Variants in DPP10 observed in about 807,000 individuals in gnomAD.
The protein encoded by DPP10 is dipeptidyl peptidase like 10.
Under a neutral mutation model 120.9 loss-of-function variants are expected in DPP10, and 33 were observed. The ratio of observed to expected loss-of-function variants is 0.27; its 90% CI spans 0.21 to 0.37. The LOEUF (loss-of-function observed/expected upper bound fraction) is 0.37. DPP10 is among the 10% of genes least tolerant of loss of function. The pLI, the probability that DPP10 is intolerant of heterozygous loss-of-function variation, is 1.00. For synonymous variants in DPP10, 337 were observed against 326.1 expected, an observed-to-expected ratio of 1.03 and a Z score of -0.36; for missense variants, 816 against 942.8, an observed-to-expected ratio of 0.87 and a Z score of 1.76.
In DPP10 at chr2:115,290,060, A is replaced by G. The variant is rs145644557; in HGVS notation, c.61-19179A>G. ...AAATAATCAAAAGAGTAAACAGACA[A>G]CCTACAGAATGGGAGAAAACGTTTG... On this transcript the variant is annotated intron_variant, in intron 1 of 25. Coordinates refer to ENST00000410059, the MANE Select transcript of DPP10 (RefSeq NM_020868.6). Among the ~76,000 whole-genome samples, 1,046 of 152,302 alleles carry G rather than the reference A, an allele frequency of 6.9e-3. 10 individuals are homozygous for G. Among genetic ancestry groups the G allele is most frequent in the African/African-American group, 0.024 (1,016 of 41,570 alleles).
intron 3 of DPP10, among the ~76,000 whole-genome samples, chr2:115,361,395 C>CAGTAGAG: frequency 6.6e-6 from 1 of 152,084 alleles, no homozygotes; most frequent in South Asian, 2.1e-4. Context: ...TCAGGTGGGG[C>CAGTAGAG]AGTAGAGGTT....
At chr2:114,979,176 A>T (rs953072990) in intron 1 of DPP10, among the ~76,000 whole-genome samples, 1 of 152,212 alleles carries the variant, frequency 6.6e-6, no homozygotes, top group Admixed American at 6.5e-5. Context: ...TGAATATTTA[A>T]AATGGTAAAT....
intron 1 of DPP10, among the ~76,000 whole-genome samples, chr2:114,639,020 A>G (rs963284507): frequency 5.3e-5 from 8 of 151,920 alleles, no homozygotes; most frequent in Non-Finnish European, 1.0e-4. Context: ...ATCCTAAACA[A>G]TTTAGTGTAG....
chr2:114,509,688 C>T (rs1683974060), intron 1 of DPP10, among the ~76,000 whole-genome samples: 1 of 152,148 alleles, frequency 6.6e-6, no homozygotes, highest in East Asian at 1.9e-4. Context: ...ATGGACTCCA[C>T]TTTCTCTGTG....
Position 114,552,760 on chromosome 2 carries a change from G to T in DPP10, c.60+109922G>T, listed in dbSNP as rs1321120763. On this transcript the variant is annotated intron_variant, in intron 1 of 25. Coordinates refer to ENST00000410059, the MANE Select transcript of DPP10 (RefSeq NM_020868.6). ...GGGGTTTCACCATGTTGGCCAGGAT[G>T]GTCTCGAACTCCTGACCTCAGGTGA... 1.2e-4 allele frequency among the ~76,000 whole-genome samples: 18 copies of T among 152,066 alleles called. 1 individual carries two copies. Among genetic ancestry groups the T allele is most frequent in the Admixed American group, 1.1e-3 (17 of 15,276 alleles).
intron 3 of DPP10, among the ~76,000 whole-genome samples, chr2:115,440,313 G>T (rs1419498129): frequency 6.6e-6 from 1 of 152,158 alleles, no homozygotes; most frequent in South Asian, 2.1e-4. Context: ...TCTTACATTG[G>T]TTTTCAGAAA....
chr2:115,198,101 C>A (rs568915155), intron 1 of DPP10, among the ~76,000 whole-genome samples: 5 of 152,274 alleles, frequency 3.3e-5, no homozygotes, highest in African/African-American at 9.6e-5. Flanking sequence ...ACTTAGTAAT[C>A]ATATTAATCT....
chr2:115,436,957 C>T (rs905004313), intron 3 of DPP10, among the ~76,000 whole-genome samples: 1 of 151,874 alleles, frequency 6.6e-6, no homozygotes, highest in Non-Finnish European at 1.5e-5. Flanking sequence ...ATGTAAGATA[C>T]TGCAATTTCA....
In DPP10 at chr2:114,647,823, C is replaced by T. The variant is rs1696256829; in HGVS notation, c.60+204985C>T. 4.0e-5 allele frequency among the ~76,000 whole-genome samples: 6 copies of T among 151,344 alleles called. No homozygotes were observed. In the South Asian group the frequency reaches 1.3e-3, roughly 32 times the overall value. Reference sequence around the variant, plus strand: ...CTGAGTTGGAAAACTGGGACTCTAACACTGGATGTTGATTTTATTTATTTA... The same window carrying T: ...CTGAGTTGGAAAACTGGGACTCTAATACTGGATGTTGATTTTATTTATTTA... On this transcript the variant is annotated intron_variant, in intron 1 of 25. Transcript: ENST00000410059.
intron 1 of DPP10, among the ~76,000 whole-genome samples, chr2:115,035,381 C>T (rs897371919): frequency 1.3e-5 from 2 of 152,114 alleles, no homozygotes; most frequent in Admixed American, 6.5e-5. Context: ...ATAATTGTTT[C>T]CACAATATCA....
At chr2:115,728,339 C>T (rs1242446837) in intron 8 of DPP10, among the ~76,000 whole-genome samples, 1 of 150,178 alleles carries the variant, frequency 6.7e-6, no homozygotes, top group African/African-American at 2.4e-5. Flanking sequence ...TAGTTATTTC[C>T]ATTAGGGACA....
At chr2:115,583,548 T>A (rs2082119793) in intron 5 of DPP10, among the ~76,000 whole-genome samples, 1 of 152,148 alleles carries the variant, frequency 6.6e-6, no homozygotes, top group Non-Finnish European at 1.5e-5. Flanking sequence ...CATGTGGCCT[T>A]TGTGATATGA....
At chr2:115,313,176 T>A (rs915653006) in intron 2 of DPP10, among the ~76,000 whole-genome samples, 1 of 152,094 alleles carries the variant, frequency 6.6e-6, no homozygotes, top group Admixed American at 6.6e-5. Flanking sequence ...TGAGCCCAGA[T>A]CGCACCACTG....
intron 5 of DPP10, among the ~76,000 whole-genome samples, chr2:115,670,318 T>C (rs1354677569): frequency 1.3e-5 from 2 of 152,074 alleles, no homozygotes; most frequent in African/African-American, 4.8e-5. Flanking sequence ...AAAACAAAAA[T>C]GACTATTGTA....
intron 1 of DPP10, among the ~76,000 whole-genome samples, chr2:114,688,726 T>C (rs1699535715): frequency 6.6e-6 from 1 of 151,916 alleles, no homozygotes; most frequent in South Asian, 2.1e-4. Context: ...CAAACCATGA[T>C]AGAGATGGGC....
rs201201645 is a variant in DPP10, at chr2:114,455,731, T to TTA, written c.60+12894_60+12895insAT. Among the ~76,000 whole-genome samples, 1,367 of 148,430 alleles carry TTA rather than the reference T, an allele frequency of 9.2e-3. 19 individuals are homozygous for TTA. Among genetic ancestry groups the TTA allele is most frequent in the African/African-American group, 0.032 (1,293 of 40,616 alleles). ...GTCTCATACCCACAAATTCATTTGT[T>TTA]TTTTTTTTTTTTTACCATTTTCATG... On this transcript the variant is annotated intron_variant, in intron 1 of 25. Transcript: ENST00000410059.
chr2:114,908,169 T>C (rs1694112647), intron 1 of DPP10, among the ~76,000 whole-genome samples: 1 of 152,018 alleles, frequency 6.6e-6, no homozygotes, highest in Non-Finnish European at 1.5e-5. Flanking sequence ...ACTTTTGAAA[T>C]ATTTGTACTC....
chr2:114,748,978 C>T (rs1574097440), intron 1 of DPP10, among the ~76,000 whole-genome samples: 1 of 130,086 alleles, frequency 7.7e-6, no homozygotes, highest in East Asian at 2.2e-4. Flanking sequence ...GGAATCGCCA[C>T]ACTGACTTCC....
chr2:115,336,462 A>G (rs187822980), intron 2 of DPP10, among the ~76,000 whole-genome samples: 157 of 151,984 alleles, frequency 1.0e-3, no homozygotes, highest in African/African-American at 3.6e-3. Flanking sequence ...TTGTGTCCCT[A>G]TTCATAATTA....
Sources: allele counts gnomAD v4.1 joint callset (sites outside exome capture counted in the v4.1 genomes callset), GRCh38; gene constraint gnomAD v4.1.1; transcripts MANE v1.5; gene names NCBI Gene and HGNC (gene_info 2026-07-23, HGNC 2026-07-21).